The following CRY1 variants were observed in gnomAD, a reference collection of about 807,000 sequenced individuals.
CRY1 encodes the protein cryptochrome-1.
Under a neutral mutation model 76.0 loss-of-function variants are expected in CRY1, and 45 were observed. That is an observed-to-expected ratio of 0.59 (90% CI 0.47 to 0.76). The LOEUF (loss-of-function observed/expected upper bound fraction) is 0.76. Ranked by LOEUF, CRY1 falls within the 30% of genes least tolerant of loss-of-function variation. CRY1 has a pLI of 0.00. For missense variants in CRY1, 587 were observed against 716.4 expected (o/e 0.82, Z 2.06); for synonymous variants, 248 against 244.0 (o/e 1.02, Z -0.15).
intron 2 of CRY1, among the ~76,000 whole-genome samples, chr12:107,009,556 A>AACAAC (rs1226815628): frequency 2.2e-5 from 1 of 44,604 alleles, no homozygotes; most frequent in Non-Finnish European, 5.2e-5. Context: ...ACAAAAAAAC[A>AACAAC]AAAAAACATA....
rs143406628 is a variant in CRY1, at chr12:107,091,188, C to T, written c.158+1616G>A. Among the ~76,000 whole-genome samples the T allele has an allele frequency of 6.9e-3, 1,051 of 152,126 alleles. 19 individuals are homozygous for T. The highest frequency in any genetic ancestry group is 0.024 in the African/African-American group (1,003 of 41,482). On this transcript the variant is annotated intron_variant, in intron 1 of 12. Coordinates refer to ENST00000008527, the MANE Select transcript of CRY1 (RefSeq NM_004075.5). ...CTGAGTGGCTGAGATAACAGGCATGCGCCACCATGCTCACCTAATTTTTAT... is the reference window on the plus strand; with the variant it reads ...CTGAGTGGCTGAGATAACAGGCATGTGCCACCATGCTCACCTAATTTTTAT...
chr12:107,043,690 G>T (rs1272731158), intron 1 of CRY1, among the ~76,000 whole-genome samples: 1 of 152,090 alleles, frequency 6.6e-6, no homozygotes, highest in East Asian at 1.9e-4. Flanking sequence ...TTGATGGTGG[G>T]GTCAGAACTG....
At chr12:107,089,329 T>C (rs760749764) in intron 1 of CRY1, among the ~76,000 whole-genome samples, 2 of 150,866 alleles carry the variant, frequency 1.3e-5, no homozygotes, top group Admixed American at 1.3e-4. Flanking sequence ...TTTTTGTTGT[T>C]GTTGTTTGTT....
chr12:107,018,379 G>A (rs998550967), intron 2 of CRY1, among the ~76,000 whole-genome samples: 2 of 152,170 alleles, frequency 1.3e-5, no homozygotes, highest in Non-Finnish European at 2.9e-5. Flanking sequence ...CCTGAAGCCA[G>A]GAGTTTAAGA....
intron 1 of CRY1, among the ~76,000 whole-genome samples, chr12:107,084,953 A>C (rs922185683): frequency 6.6e-6 from 1 of 151,676 alleles, no homozygotes; most frequent in Non-Finnish European, 1.5e-5. Context: ...TAAAATCTAC[A>C]AGGAACTTAA....
chr12:107,081,980 G>A (rs1171403750), intron 1 of CRY1, among the ~76,000 whole-genome samples: 16 of 151,928 alleles, frequency 1.1e-4, no homozygotes, highest in Admixed American at 7.2e-4. Flanking sequence ...CAGGAATGGG[G>A]TGTTGCTATA....
chr12:107,086,855 A>G (rs1299966094), intron 1 of CRY1, among the ~76,000 whole-genome samples: 1 of 152,240 alleles, frequency 6.6e-6, no homozygotes, highest in Non-Finnish European at 1.5e-5. Flanking sequence ...TACAGTCCCC[A>G]CAGAGAACTC....
chr12:106,995,215 A>G (rs1182021744), intron 10 of CRY1, among the ~76,000 whole-genome samples: 1 of 152,208 alleles, frequency 6.6e-6, no homozygotes, highest in African/African-American at 2.4e-5. Flanking sequence ...TACTGTGAGA[A>G]AGTATGCAAA....
intron 2 of CRY1, among the ~76,000 whole-genome samples, chr12:107,016,069 G>A (rs1395560933): frequency 6.6e-6 from 1 of 152,136 alleles, no homozygotes; most frequent in Admixed American, 6.6e-5. Context: ...CAGCACTTTG[G>A]GAGGCAAAGG....
chr12:106,999,825 C>T lies in CRY1; in HGVS notation c.863G>A (p.Gly288Glu), dbSNP rs1437945851. The T allele has an allele frequency of 6.2e-7, 1 of 1,613,766 alleles. No homozygotes were observed. Among genetic ancestry groups the T allele is most frequent in the Admixed American group, 1.7e-5 (1 of 59,950 alleles). Residue 288 changes from glycine (G) to glutamate (E), a missense_variant, in exon 7 of 13, where the codon GGG (glycine) becomes GAG (glutamate). Physicochemically the swap from Gly to Glu is moderately conservative, Grantham distance 98. Coordinates refer to ENST00000008527, the MANE Select transcript of CRY1 (RefSeq NM_004075.5). ...GAAAAATTCACGCCATAACAGTTGCCCATAAAGGGAAAGGGGAGGGGAACT... is the reference window on the plus strand; with the variant it reads ...GAAAAATTCACGCCATAACAGTTGCTCATAAAGGGAAAGGGGAGGGGAACT... ...KNSSPPLSLYGQLLWREFFYT... is the reference protein window; with the variant it reads ...KNSSPPLSLYEQLLWREFFYT...
chr12:107,041,772 A>G lies in CRY1; in HGVS notation c.159-19580T>C, dbSNP rs181826501. On this transcript the variant is annotated intron_variant, in intron 1 of 12. Coordinates refer to ENST00000008527, the MANE Select transcript of CRY1 (RefSeq NM_004075.5). The stretch of plus-strand genomic sequence containing the variant: ...GAATTCAAGTTTTTCAGATGCTTTC[A>G]TAGTGGTAGGACTATGGGGTGGGGG... Among the ~76,000 whole-genome samples the G allele has an allele frequency of 2.1e-3, 280 of 134,540 alleles. 3 individuals carry two copies. Among genetic ancestry groups the G allele is most frequent in the African/African-American group, 7.3e-3 (269 of 36,912 alleles). The allele number at this position is 134,540 out of a possible 152,430, so 88.3% of individuals were successfully genotyped here.
intron 1 of CRY1, among the ~76,000 whole-genome samples, chr12:107,083,580 A>G (rs975627824): frequency 2.0e-5 from 3 of 152,222 alleles, no homozygotes; most frequent in African/African-American, 7.2e-5. Context: ...AACAGAACCA[A>G]TGACAAAAAC....
intron 1 of CRY1, among the ~76,000 whole-genome samples, chr12:107,065,392 A>C (rs1378785196): frequency 6.6e-6 from 1 of 152,188 alleles, no homozygotes; most frequent in Non-Finnish European, 1.5e-5. Context: ...CAGGAGTTTG[A>C]GGCCAGCCTG....
intron 3 of CRY1, among the ~76,000 whole-genome samples, chr12:107,002,907 C>T (rs1275540742): frequency 6.6e-6 from 1 of 152,146 alleles, no homozygotes; most frequent in Non-Finnish European, 1.5e-5. Context: ...ATGACTTGCT[C>T]CTCCTTGCCT....
chr12:107,033,528 A>G (rs1194266984), intron 1 of CRY1, among the ~76,000 whole-genome samples: 1 of 152,174 alleles, frequency 6.6e-6, no homozygotes, highest in Non-Finnish European at 1.5e-5. Flanking sequence ...TATACAAAAC[A>G]TATTATATAT....
At chr12:107,055,315 C>T (rs183358449) in intron 1 of CRY1, among the ~76,000 whole-genome samples, 148 of 151,240 alleles carry the variant, frequency 9.8e-4, no homozygotes, top group African/African-American at 3.3e-3. Flanking sequence ...AATTCACAGA[C>T]CAAAGAAAAA....
intron 1 of CRY1, among the ~76,000 whole-genome samples, chr12:107,074,587 G>A (rs998761471): frequency 7.9e-5 from 12 of 151,970 alleles, no homozygotes; most frequent in African/African-American, 2.9e-4. Context: ...ATTTGAGAAT[G>A]AATTTTATGT....
intron 1 of CRY1, among the ~76,000 whole-genome samples, chr12:107,070,724 G>A (rs1444605725): frequency 1.4e-5 from 2 of 146,528 alleles, no homozygotes; most frequent in Non-Finnish European, 3.0e-5. Context: ...ATTTTGAGAT[G>A]GAGTCTCACT....
chr12:107,092,654 C>T, intron 1 of CRY1, 150 bp downstream of exon 1: 1 of 1,127,332 alleles, frequency 8.9e-7, no homozygotes, highest in Non-Finnish European at 1.3e-6. Context: ...TAAGTCAATT[C>T]TATTTAATAC....
Sources: allele counts gnomAD v4.1 joint callset (sites outside exome capture counted in the v4.1 genomes callset), GRCh38; gene constraint gnomAD v4.1.1; transcripts MANE v1.5; gene names NCBI Gene and HGNC (gene_info 2026-07-23, HGNC 2026-07-21).